The following GOSR2 variants were observed in gnomAD, a reference collection of about 807,000 sequenced individuals.
GOSR2 encodes 27 kDa Golgi SNARE protein.
Under a neutral mutation model 27.9 loss-of-function variants are expected in GOSR2, and 20 were observed. The ratio of observed to expected loss-of-function variants is 0.72; its 90% confidence interval spans 0.50 to 1.04. The LOEUF is 1.04. Among genes scored for constraint, GOSR2 ranks in the 50% least tolerant of loss-of-function variants. The pLI is 0.00. For synonymous variants in GOSR2, 91 were observed against 98.8 expected (o/e 0.92, Z 0.47); for missense variants, 261 against 270.5 (o/e 0.97, Z 0.25).
chr17:46,957,078 G>A (rs1276222656), intron 6 of GOSR2, among the ~76,000 whole-genome samples: 2 of 152,178 alleles, frequency 1.3e-5, no homozygotes, highest in African/African-American at 2.4e-5. Flanking sequence ...GGAGGCCCAG[G>A]CGGGTGGATC....
chr17:46,926,013 C>T (rs990694543), intron 1 of GOSR2, among the ~76,000 whole-genome samples: 2 of 152,168 alleles, frequency 1.3e-5, no homozygotes, highest in African/African-American at 4.8e-5. Flanking sequence ...AGTCTCCTGT[C>T]CTGGACCTTA....
Position 46,940,674 on chromosome 17 carries a change from A to T in GOSR2, c.*1914A>T. On this transcript the variant is annotated 3_prime_UTR_variant, in exon 6 of 6. Coordinates refer to ENST00000640051, the MANE Select transcript of GOSR2 (RefSeq NM_004287.5). Reference sequence around the variant, plus strand: ...CCGCACCCATCATGCGTGGACTGATAGGACATCTTTTCGTGGTGTGCACCA... The same window carrying T: ...CCGCACCCATCATGCGTGGACTGATTGGACATCTTTTCGTGGTGTGCACCA... 6.2e-7 allele frequency: 1 copy of T among 1,612,682 alleles called. No homozygotes were observed. The highest frequency in any genetic ancestry group is 8.5e-7 in the Non-Finnish European group (1 of 1,179,848).
At chr17:46,964,145 G>A (rs2147318664) in intron 6 of GOSR2, 1 of 152,298 alleles carries the variant, frequency 6.6e-6, no homozygotes, top group South Asian at 2.1e-4. Context: ...CAAGCTTCCA[G>A]GATTCTTCTG....
In GOSR2 at chr17:46,923,643, G is replaced by A. The variant is rs897384686; in HGVS notation, c.29+422G>A. On this transcript the variant is annotated intron_variant, in intron 1 of 5. Transcript: ENST00000640051. ...AATTGGAGAGTCAGGGCACGTACGGGAAAGTATTTGTATTCTTATTCGATT... is the reference window on the plus strand; with the variant it reads ...AATTGGAGAGTCAGGGCACGTACGGAAAAGTATTTGTATTCTTATTCGATT... The A allele has an allele frequency of 1.0e-5, 12 of 1,155,070 alleles. 1 individual carries two copies. Among genetic ancestry groups the A allele is most frequent in the Non-Finnish European group, 1.3e-5 (12 of 915,532 alleles). The allele number at this position is 1,155,070 out of a possible 1,614,324, so 71.6% of individuals were successfully genotyped here.
chr17:46,952,439 C>T (rs925714434), intron 6 of GOSR2, among the ~76,000 whole-genome samples: 10 of 152,220 alleles, frequency 6.6e-5, no homozygotes, highest in East Asian at 1.9e-4. Context: ...ACTAGCTACA[C>T]GCCACTTTTG....
intron 6 of GOSR2, among the ~76,000 whole-genome samples, chr17:46,951,895 C>G (rs951439013): frequency 6.6e-5 from 10 of 152,150 alleles, no homozygotes; most frequent in Admixed American, 1.3e-4. Context: ...GCTTCTCCCC[C>G]CCAGACATCA....
chr17:46,958,657 C>T (rs993064501), intron 6 of GOSR2, among the ~76,000 whole-genome samples: 4 of 152,326 alleles, frequency 2.6e-5, no homozygotes, highest in African/African-American at 9.6e-5. Context: ...CATCGCCCTC[C>T]CACCACTCCC....
At chr17:46,946,662 A>G (rs1182489648), downstream of GOSR2, among the ~76,000 whole-genome samples, 1 of 152,168 alleles carries the variant, frequency 6.6e-6, no homozygotes, top group African/African-American at 2.4e-5. Context: ...CAGGAGTTCG[A>G]GACCAGCCTG....
rs1466441723 is a variant in GOSR2 at position 46,929,572 on chromosome 17, C to T, written c.82C>T (p.Gln28Ter). The T allele has an allele frequency of 4.0e-6, 6 of 1,516,400 alleles. No homozygotes were observed. The highest frequency in any genetic ancestry group is 5.5e-6 in the Non-Finnish European group (6 of 1,090,808). 93.9% of individuals were successfully genotyped at this position (1,516,400 alleles called of 1,614,324 possible). The change falls in exon 2 of 6, where the codon CAG becomes TAG. Residue 28 changes from glutamine (Q) to a stop codon, truncating the protein, a stop_gained. Transcript: ENST00000640051. LOFTEE classifies it high-confidence loss of function. ...GGGACGCCTGGAGACGGCAGACAAG[C>T]AGTCTGTGCACAGTGAGTAATTAAC... Reference protein sequence around the residue: ...CMGRLETADKQSVHIVENEIQ... With the variant: ...CMGRLETADK
downstream of GOSR2, among the ~76,000 whole-genome samples, chr17:46,970,386 C>CA (rs1305691420): frequency 6.6e-6 from 1 of 151,976 alleles, no homozygotes; most frequent in Non-Finnish European, 1.5e-5. Context: ...ACTAAAAATG[C>CA]AAAAATTAGC....
downstream of GOSR2, among the ~76,000 whole-genome samples, chr17:46,945,881 C>T (rs570428700): frequency 3.3e-5 from 5 of 152,146 alleles, no homozygotes; most frequent in Admixed American, 6.5e-5. Flanking sequence ...TGATCGCTGC[C>T]GGGTGCTGTC....
At chr17:46,971,004 T>G (rs1476139743), downstream of GOSR2, among the ~76,000 whole-genome samples, 1 of 152,242 alleles carries the variant, frequency 6.6e-6, no homozygotes, top group Non-Finnish European at 1.5e-5. Context: ...GGCTACTGTT[T>G]GCCAACATTT....
intron 1 of GOSR2, among the ~76,000 whole-genome samples, chr17:46,924,862 G>A (rs2086252570): frequency 6.6e-6 from 1 of 152,208 alleles, no homozygotes; most frequent in African/African-American, 2.4e-5. Flanking sequence ...GGGCATAGTA[G>A]TGCCTTGAAG....
downstream of GOSR2, among the ~76,000 whole-genome samples, chr17:46,945,410 C>T (rs574080592): frequency 5.3e-5 from 8 of 152,224 alleles, no homozygotes; most frequent in East Asian, 5.8e-4. Context: ...TGAGGTGCAA[C>T]GTAGTGTGAT....
downstream of GOSR2, chr17:46,967,137 T>G (rs2091343024): frequency 6.5e-6 from 1 of 153,836 alleles, no homozygotes; most frequent in Non-Finnish European, 1.4e-5. Context: ...AAGACGGACA[T>G]GAGAACCTAA....
chr17:46,938,301 A>G (rs1218754968), intron 5 of GOSR2, among the ~76,000 whole-genome samples: 3 of 152,240 alleles, frequency 2.0e-5, no homozygotes, highest in East Asian at 3.8e-4. Context: ...TTTTACACAC[A>G]TATCTGTAAG....
At chr17:46,927,378 C>T (rs1339136696) in intron 1 of GOSR2, among the ~76,000 whole-genome samples, 1 of 152,066 alleles carries the variant, frequency 6.6e-6, no homozygotes, top group East Asian at 1.9e-4. Context: ...TTCATGTTGT[C>T]AGATGTATCC....
chr17:46,934,917 T>A, intron 4 of GOSR2, 112 bp from the exon 5 acceptor site: 1 of 951,462 alleles, frequency 1.1e-6, no homozygotes, highest in Admixed American at 1.7e-5. Context: ...GCTGATTCTT[T>A]CACCAGCCCC....
At chr17:46,923,559 A>G in intron 1 of GOSR2, 1 of 1,311,112 alleles carries the variant, frequency 7.6e-7, no homozygotes, top group Non-Finnish European at 9.7e-7. Context: ...TGGTTGGTAG[A>G]CCTCGAGAGG....
Sources: allele counts gnomAD v4.1 joint callset (sites outside exome capture counted in the v4.1 genomes callset), GRCh38; gene constraint gnomAD v4.1.1; transcripts MANE v1.5; gene names NCBI Gene and HGNC (gene_info 2026-07-23, HGNC 2026-07-21).